Variants in FBXL13 observed in about 807,000 individuals in gnomAD.
The protein encoded by FBXL13 is F-box and leucine-rich repeat protein 13.
FBXL13 carries 67 observed loss-of-function variants against 83.6 expected under a neutral mutation model. The observed-to-expected ratio is 0.80, with a 90% CI of 0.66 to 0.98. The LOEUF (loss-of-function observed/expected upper bound fraction) is 0.98, where lower values mean the gene tolerates loss of function less well. FBXL13 is among the 50% of genes least tolerant of loss of function. The pLI is 0.00. For synonymous variants in FBXL13, 272 were observed against 299.5 expected (o/e 0.91, Z 0.95); for missense variants, 822 against 866.5 (o/e 0.95, Z 0.64).
intron 6 of FBXL13, among the ~76,000 whole-genome samples, chr7:102,983,813 C>G (rs1203455050): frequency 6.6e-6 from 1 of 152,122 alleles, no homozygotes; most frequent in Non-Finnish European, 1.5e-5. Flanking sequence ...AACTGGGTCA[C>G]AGGATGAGAT....
At chr7:102,811,211 CTA>C (rs61529497), downstream of FBXL13, among the ~76,000 whole-genome samples, 2,409 of 152,252 alleles carry the variant, frequency 0.016, 55 homozygotes, top group African/African-American at 0.055. Flanking sequence ...CAGCAGTCAA[CTA>C]TATTTAAAGC....
chr7:102,986,020 C>CG (rs529730066), intron 6 of FBXL13, among the ~76,000 whole-genome samples: 2 of 151,662 alleles, frequency 1.3e-5, no homozygotes, highest in African/African-American at 4.9e-5. Flanking sequence ...GCACGATGCC[C>CG]CCCCCCCATC....
chr7:102,916,796 G>GC (rs1815962709), intron 10 of FBXL13, among the ~76,000 whole-genome samples: 1 of 151,036 alleles, frequency 6.6e-6, no homozygotes, highest in Admixed American at 6.6e-5. Context: ...TCTTATGGGG[G>GC]GGGGTGTGAG....
chr7:102,970,501 G>C (rs967638285), intron 6 of FBXL13, among the ~76,000 whole-genome samples: 1 of 152,108 alleles, frequency 6.6e-6, no homozygotes, highest in Non-Finnish European at 1.5e-5. Flanking sequence ...GGTTCCACTG[G>C]TAATAACTCT....
chr7:103,055,140 C>T (rs778619747), intron 2 of FBXL13: 23 of 1,288,566 alleles, frequency 1.8e-5, no homozygotes, highest in South Asian at 2.5e-5. Flanking sequence ...AGACAATCTT[C>T]GAATGTTTGG....
intron 10 of FBXL13, among the ~76,000 whole-genome samples, chr7:102,918,136 C>T (rs141674029): frequency 1.1e-4 from 16 of 152,196 alleles, no homozygotes; most frequent in African/African-American, 3.1e-4. Context: ...TTTACAGTTT[C>T]GAGAACATTT....
chr7:102,968,216 C>T, intron 6 of FBXL13, 99 bp from the exon 8 acceptor site: 2 of 687,730 alleles, frequency 2.9e-6, no homozygotes, highest in Non-Finnish European at 5.0e-6. Context: ...TGTGCGTGCA[C>T]ACACACACGC....
intron 6 of FBXL13, among the ~76,000 whole-genome samples, chr7:102,981,139 T>A (rs1034656178): frequency 6.6e-6 from 1 of 152,168 alleles, no homozygotes; most frequent in Middle Eastern, 3.2e-3. Flanking sequence ...GGAACTATTG[T>A]AATTAGTCCT....
chr7:102,978,677 G>A (rs1030210827), intron 6 of FBXL13: 9 of 239,252 alleles, frequency 3.8e-5, no homozygotes, highest in Admixed American at 1.8e-4. Context: ...ACACTGCCTC[G>A]TGTTGTCTGT....
intron 1 of FBXL13, among the ~76,000 whole-genome samples, chr7:103,060,810 T>G (rs1797830058): frequency 6.6e-6 from 1 of 152,142 alleles, no homozygotes; most frequent in Non-Finnish European, 1.5e-5. Context: ...CCTCAGCAGG[T>G]GAAGAAACAG....
chr7:103,068,429 C>T (rs894619720), intron 1 of FBXL13, among the ~76,000 whole-genome samples: 2 of 152,076 alleles, frequency 1.3e-5, no homozygotes, highest in Non-Finnish European at 1.5e-5. Context: ...GACAGTCTCC[C>T]TAGGATTTCA....
chr7:102,978,000 T>G (rs1249563565), intron 6 of FBXL13, among the ~76,000 whole-genome samples: 3 of 152,054 alleles, frequency 2.0e-5, no homozygotes, highest in African/African-American at 7.2e-5. Context: ...TAATGTTAAA[T>G]GACGAATTAA....
intron 1 of FBXL13, among the ~76,000 whole-genome samples, chr7:103,068,709 T>C (rs2129504625): frequency 6.6e-6 from 1 of 152,158 alleles, no homozygotes; most frequent in South Asian, 2.1e-4. Flanking sequence ...AGGCTTATGG[T>C]GGTGGCACGG....
Position 102,882,767 on chromosome 7 carries a change from CA to C in FBXL13, c.1388+537del, listed in dbSNP as rs1353407619. 6.0e-5 allele frequency among the ~76,000 whole-genome samples: 3 copies of C among 49,664 alleles called. No homozygotes were observed. In the African/African-American group the frequency reaches 6.4e-4, roughly 11 times the overall value. 32.6% of individuals were successfully genotyped at this position (49,664 alleles called of 152,430 possible). A position where few individuals can be genotyped will look rare whatever the true frequency, so the allele number is the denominator to read the frequency against. On this transcript the variant is annotated intron_variant, in intron 14 of 19. Coordinates refer to ENST00000313221, the Ensembl canonical transcript of FBXL13. ...ACAGAGCGAGACTCTGTCTCAAAAA[CA>C]AAACAAAACAAAACAAAACAAAACA...
intron 8 of FBXL13, among the ~76,000 whole-genome samples, chr7:102,945,558 T>C (rs1822330020): frequency 6.6e-6 from 1 of 151,774 alleles, no homozygotes; most frequent in Admixed American, 6.6e-5. Flanking sequence ...GTGATTTGGG[T>C]TTGCAGGTTA....
chr7:103,031,476 T>G (rs191316629), intron 2 of FBXL13: 1 of 152,124 alleles, frequency 6.6e-6, no homozygotes, highest in Non-Finnish European at 1.5e-5. Flanking sequence ...CTACCACAAA[T>G]GGAGGGCAAA....
intron 2 of FBXL13, among the ~76,000 whole-genome samples, chr7:103,054,459 T>C (rs988498377): frequency 1.3e-5 from 2 of 152,066 alleles, no homozygotes; most frequent in South Asian, 2.1e-4. Flanking sequence ...TGTGTTAGTA[T>C]TTCTCTCTTC....
intron 8 of FBXL13, among the ~76,000 whole-genome samples, chr7:102,935,025 T>C (rs1460835044): frequency 6.6e-6 from 1 of 152,116 alleles, no homozygotes; most frequent in Non-Finnish European, 1.5e-5. Flanking sequence ...TGAAAATAAG[T>C]GCAAATGCCA....
At chr7:102,890,169 C>T (rs575922180) in intron 11 of FBXL13, among the ~76,000 whole-genome samples, 1 of 152,278 alleles carries the variant, frequency 6.6e-6, no homozygotes, top group South Asian at 2.1e-4. Flanking sequence ...CATTAGTTGT[C>T]CTTCCTCTTC....
Sources: gnomAD v4.1 joint callset for allele counts (sites outside exome capture counted in the v4.1 genomes callset) on GRCh38, gnomAD v4.1.1 for gene constraint, MANE v1.5 for transcripts, NCBI Gene and HGNC (gene_info 2026-07-23, HGNC 2026-07-21) for gene names.